SLC28A1: variants seen among roughly 807,000 people sequenced by gnomAD.
SLC28A1 encodes the protein solute carrier family 28 member 1.
Under a neutral mutation model 74.8 loss-of-function variants are expected in SLC28A1, and 64 were observed. The ratio of observed to expected loss-of-function variants is 0.86; its 90% CI spans 0.70 to 1.05. The LOEUF (loss-of-function observed/expected upper bound fraction) is 1.05. Among genes scored for constraint, SLC28A1 ranks in the 50% least tolerant of loss-of-function variants. The pLI is 0.00. For missense variants in SLC28A1, 828 were observed against 822.8 expected, an observed-to-expected ratio of 1.01 and a Z score of -0.08; for synonymous variants, 359 against 335.0, an observed-to-expected ratio of 1.07 and a Z score of -0.78.
chr15:84,896,384 T>A (rs949348705), intron 6 of SLC28A1, among the ~76,000 whole-genome samples: 1 of 152,164 alleles, frequency 6.6e-6, no homozygotes, highest in African/African-American at 2.4e-5. Context: ...AAAGCCACAA[T>A]AAGATACCAC....
chr15:84,957,226 C>A, the SLC28A1 span, among the ~76,000 whole-genome samples: 3 of 152,046 alleles, frequency 2.0e-5, no homozygotes, highest in African/African-American at 7.2e-5. Flanking sequence ...AGTCATTCCC[C>A]AACTCCATTC....
Position 84,905,721 on chromosome 15 carries a change from A to G in SLC28A1, c.717+69A>G, listed in dbSNP as rs570329483. 1.2e-3 allele frequency: 1,422 copies of G among 1,174,024 alleles called. 19 individuals carry two copies. The highest frequency in any genetic ancestry group is 1.1e-4 in the Non-Finnish European group (89 of 785,784). The allele number at this position is 1,174,024 out of a possible 1,614,324, so 72.7% of individuals were successfully genotyped here. ...GGGAGTAGGGGAGAAGCCACTTGGC[A>G]GGGGGAAAAGTGGGTGGTGAGGCCA... On this transcript the variant is annotated intron_variant, in intron 8 of 18. Coordinates refer to ENST00000394573, the MANE Select transcript of SLC28A1 (RefSeq NM_004213.5).
At chr15:84,899,940 AAAGGAAGG>A (rs71135318) in intron 6 of SLC28A1, among the ~76,000 whole-genome samples, 21 of 136,814 alleles carry the variant, frequency 1.5e-4, no homozygotes, top group African/African-American at 2.7e-4. Flanking sequence ...AGAAAGAAAG[AAAGGAAGG>A]AAGGAAGGAA....
At chr15:84,904,311 G>T in intron 7 of SLC28A1, 73 bp downstream of exon 7, 3 of 1,603,706 alleles carry the variant, frequency 1.9e-6, no homozygotes. Context: ...GGATCTGGGA[G>T]CTGGGGTATA....
At chr15:84,966,034 A>G in the SLC28A1 span, among the ~76,000 whole-genome samples, 1 of 152,188 alleles carries the variant, frequency 6.6e-6, no homozygotes, top group Admixed American at 6.6e-5. Context: ...GATCTGAGAG[A>G]AAAACAAACT....
chr15:84,934,887 TTC>T, intron 13 of SLC28A1, 137 bp from the exon 14 acceptor site: 1 of 774,736 alleles, frequency 1.3e-6, no homozygotes, highest in South Asian at 1.4e-5. Flanking sequence ...CAGCCCCTTT[TTC>T]TCTCTGGGTC....
intron 9 of SLC28A1, among the ~76,000 whole-genome samples, chr15:84,914,001 T>A (rs1206977571): frequency 3.9e-5 from 6 of 152,144 alleles, no homozygotes; most frequent in African/African-American, 1.4e-4. Context: ...CAGGCTGGAG[T>A]GCAGTAGTGT....
At chr15:84,948,822 C>G (rs2079318343), downstream of SLC28A1, among the ~76,000 whole-genome samples, 1 of 152,194 alleles carries the variant, frequency 6.6e-6, no homozygotes, top group Non-Finnish European at 1.5e-5. Flanking sequence ...ATAATAACCT[C>G]ACGCCTCTCA....
the SLC28A1 span, among the ~76,000 whole-genome samples, chr15:84,966,484 G>C: frequency 2.6e-5 from 4 of 152,168 alleles, no homozygotes; most frequent in Non-Finnish European, 5.9e-5. Context: ...CCTCCTGGGG[G>C]TCTTGCTATG....
At chr15:84,916,440 G>A (rs544403910) in intron 9 of SLC28A1, among the ~76,000 whole-genome samples, 1 of 151,428 alleles carries the variant, frequency 6.6e-6, no homozygotes, top group African/African-American at 2.4e-5. Flanking sequence ...AGAGATGGGG[G>A]CCTTGCTTTG....
At chr15:84,951,982 T>C in the SLC28A1 span, among the ~76,000 whole-genome samples, 4 of 152,122 alleles carry the variant, frequency 2.6e-5, no homozygotes, top group Non-Finnish European at 4.4e-5. Context: ...GCCTCAGGCT[T>C]ACAGAAGCAG....
chr15:84,915,885 C>T lies in SLC28A1; in HGVS notation c.796-2639C>T, dbSNP rs1969008157. On this transcript the variant is annotated intron_variant, in intron 9 of 18. Transcript: ENST00000394573. ...GTCCTTAGCTCCTGTTCTTCTCACTCAGGGCTATTTCTGCAGTGAATTGCA... is the reference window on the plus strand; with the variant it reads ...GTCCTTAGCTCCTGTTCTTCTCACTTAGGGCTATTTCTGCAGTGAATTGCA... Among the ~76,000 whole-genome samples, 7 of 152,154 alleles carry T rather than the reference C, an allele frequency of 4.6e-5. No homozygotes were observed. The South Asian group carries it at 1.0e-3, about 23-fold the overall frequency.
At chr15:84,913,749 T>G (rs1968687630) in intron 9 of SLC28A1, among the ~76,000 whole-genome samples, 1 of 152,152 alleles carries the variant, frequency 6.6e-6, no homozygotes. Flanking sequence ...GGGACTGCCT[T>G]AGTCCATCCA....
intron 15 of SLC28A1, chr15:84,939,711 A>G (rs1249561342): frequency 6.6e-6 from 1 of 152,160 alleles, no homozygotes; most frequent in Admixed American, 6.5e-5. Context: ...ATATGTGCAC[A>G]AGAAGCAAGC....
the SLC28A1 span, among the ~76,000 whole-genome samples, chr15:84,955,367 C>T: frequency 6.6e-6 from 1 of 152,168 alleles, no homozygotes; most frequent in Non-Finnish European, 1.5e-5. Flanking sequence ...AGCCTCAGAA[C>T]AGCAATCAAA....
At chr15:84,911,559 C>G (rs780227992) in intron 9 of SLC28A1, among the ~76,000 whole-genome samples, 17 of 151,572 alleles carry the variant, frequency 1.1e-4, no homozygotes, top group African/African-American at 4.1e-4. Context: ...CAAAAATGAT[C>G]ATTTAAAAAT....
intron 8 of SLC28A1, among the ~76,000 whole-genome samples, chr15:84,906,326 T>C (rs1317624406): frequency 6.6e-6 from 1 of 152,002 alleles, no homozygotes; most frequent in Admixed American, 6.5e-5. Context: ...GGGCCCATTT[T>C]GTTTTGTTTT....
chr15:84,917,472 C>T (rs148256142), intron 9 of SLC28A1, among the ~76,000 whole-genome samples: 22 of 151,830 alleles, frequency 1.4e-4, no homozygotes, highest in Middle Eastern at 3.4e-3. Flanking sequence ...GGGGACCTTA[C>T]GATGTTGCCC....
chr15:84,935,940 G>T (rs1971834615), intron 15 of SLC28A1, among the ~76,000 whole-genome samples: 1 of 111,856 alleles, frequency 8.9e-6, no homozygotes, highest in African/African-American at 3.4e-5. Flanking sequence ...TTTTGTTTTG[G>T]TTTGGTTTTT....
Sources: gnomAD v4.1 joint callset for allele counts (sites outside exome capture counted in the v4.1 genomes callset) on GRCh38, gnomAD v4.1.1 for gene constraint, MANE v1.5 for transcripts, NCBI Gene and HGNC (gene_info 2026-07-23, HGNC 2026-07-21) for gene names.